PCDHGA10: variants seen among roughly 807,000 people sequenced by gnomAD.
PCDHGA10 encodes the protein protocadherin gamma subfamily A, 10.
PCDHGA10 carries 42 observed loss-of-function variants against 59.5 expected under a neutral mutation model. The observed-to-expected ratio is 0.71, with a 90% CI of 0.55 to 0.91. PCDHGA10 has a LOEUF of 0.91. Ranked by LOEUF, PCDHGA10 falls within the 40% of genes least tolerant of loss-of-function variation. The pLI is 0.00. For synonymous variants in PCDHGA10, 511 were observed against 517.2 expected (o/e 0.99, Z 0.16); for missense variants, 1,111 against 1,198.2 (o/e 0.93, Z 1.07).
chr5:141,463,886 C>T (rs1327677210), intron 1 of PCDHGA10, among the ~76,000 whole-genome samples: 3 of 152,118 alleles, frequency 2.0e-5, no homozygotes, highest in African/African-American at 4.8e-5. Flanking sequence ...AAAGTTTTCA[C>T]CTTGCTTTTT....
intron 1 of PCDHGA10, chr5:141,419,135 G>A (rs2096331504): frequency 3.1e-6 from 5 of 1,613,910 alleles, no homozygotes; most frequent in Non-Finnish European, 4.2e-6. Flanking sequence ...CGCAGCCACA[G>A]ACAGGGGCAA....
At position 141,491,828 on chromosome 5, in the gene PCDHGA10, G is replaced by C. The variant is rs1389234164; in HGVS notation, c.2437-2979G>C. ...CTTGGTCGCTGGCTGCGCTCCACCC[G>C]ATTCTCGGGATCATTGGACCGTTTG... On this transcript the variant is annotated intron_variant, in intron 1 of 3. Coordinates refer to ENST00000398610, the MANE Select transcript of PCDHGA10 (RefSeq NM_018913.3). The surrounding 1 kb of genome is among the most constrained non-coding windows in gnomAD (Gnocchi z 6.9). 4.1e-6 allele frequency: 6 copies of C among 1,475,668 alleles called. No homozygotes were observed. The highest frequency in any genetic ancestry group is 5.4e-6 in the Non-Finnish European group (6 of 1,113,522). 91.4% of individuals were successfully genotyped at this position (1,475,668 alleles called of 1,614,324 possible).
chr5:141,478,307 G>T, intron 1 of PCDHGA10: 3 of 1,614,056 alleles, frequency 1.9e-6, no homozygotes, highest in Non-Finnish European at 2.5e-6. Context: ...CCGAGCCCCG[G>T]TGAGCTCACT....
At chr5:141,451,673 G>A (rs912482749) in intron 1 of PCDHGA10, among the ~76,000 whole-genome samples, 4 of 152,164 alleles carry the variant, frequency 2.6e-5, no homozygotes, top group African/African-American at 7.2e-5. Context: ...CTTGAGCCCA[G>A]GAGTTCAAGA....
chr5:141,495,752 C>G (rs1310125902), intron 2 of PCDHGA10, among the ~76,000 whole-genome samples: 1 of 152,150 alleles, frequency 6.6e-6, no homozygotes, highest in Non-Finnish European at 1.5e-5. Flanking sequence ...TTCTCTATCT[C>G]TGCCTCCCTG....
At chr5:141,450,006 C>CTTT (rs1554136305) in intron 1 of PCDHGA10, among the ~76,000 whole-genome samples, 1 of 132,986 alleles carries the variant, frequency 7.5e-6, no homozygotes, top group Non-Finnish European at 1.6e-5. Context: ...TGCCATGTCT[C>CTTT]TTTTTTTTTT....
chr5:141,460,669 TTATATATC>T (rs1176483278), intron 1 of PCDHGA10, among the ~76,000 whole-genome samples: 1 of 152,032 alleles, frequency 6.6e-6, no homozygotes, highest in African/African-American at 2.4e-5. Flanking sequence ...GTAAACACAG[TTATATATC>T]TATATATCCA....
chr5:141,426,090 T>G (rs545457395), intron 1 of PCDHGA10, among the ~76,000 whole-genome samples: 1 of 152,246 alleles, frequency 6.6e-6, no homozygotes, highest in African/African-American at 2.4e-5. Context: ...CAGGACGATA[T>G]TCTGTTCAGT....
At chr5:141,481,913 CAAA>C (rs34114744) in intron 1 of PCDHGA10, among the ~76,000 whole-genome samples, 50 of 90,788 alleles carry the variant, frequency 5.5e-4, no homozygotes, top group African/African-American at 7.1e-4. Flanking sequence ...AACTCCATCT[CAAA>C]AAAAAAAAAA....
Position 141,476,380 on chromosome 5 carries a change from G to C in PCDHGA10, c.2437-18427G>C. 1 of 1,614,154 alleles carries C rather than the reference G, an allele frequency of 6.2e-7. No homozygotes were observed. The highest frequency in any genetic ancestry group is 8.5e-7 in the Non-Finnish European group (1 of 1,180,042). On this transcript the variant is annotated intron_variant, in intron 1 of 3. Coordinates refer to ENST00000398610, the MANE Select transcript of PCDHGA10 (RefSeq NM_018913.3). The surrounding 1 kb of genome is among the most constrained non-coding windows in gnomAD (Gnocchi z 7.6). ...ACCGGGAGACCGGAGAGATGTTTGT[G>C]AACGACCGTCTGGATCGAGAGGAGC... is the stretch of plus-strand genomic sequence containing the variant.
At chr5:141,450,364 T>G (rs2098678485) in intron 1 of PCDHGA10, among the ~76,000 whole-genome samples, 1 of 152,188 alleles carries the variant, frequency 6.6e-6, no homozygotes, top group Admixed American at 6.5e-5. Flanking sequence ...TCCTCAGCCT[T>G]GTTTGTTTAT....
At chr5:141,426,517 A>G (rs893782433) in intron 1 of PCDHGA10, 5 of 343,020 alleles carry the variant, frequency 1.5e-5, no homozygotes, top group African/African-American at 2.1e-5. Context: ...CTTTACCGTG[A>G]ACACGGAGAA....
At chr5:141,467,571 A>G (rs1228156610) in intron 1 of PCDHGA10, among the ~76,000 whole-genome samples, 1 of 152,212 alleles carries the variant, frequency 6.6e-6, no homozygotes, top group South Asian at 2.1e-4. Flanking sequence ...ATGGCTATCC[A>G]GTTGTCCCAA....
chr5:141,498,786 A>T (rs2099785591), intron 2 of PCDHGA10, among the ~76,000 whole-genome samples: 1 of 152,050 alleles, frequency 6.6e-6, no homozygotes, highest in East Asian at 1.9e-4. Context: ...ACAAAATATT[A>T]GCCAGGTGTG....
chr5:141,492,296 G>GACGC lies in PCDHGA10; in HGVS notation c.2437-2500_2437-2497dup, dbSNP rs540417011. 9.7e-4 allele frequency among the ~76,000 whole-genome samples: 148 copies of GACGC among 152,328 alleles called. 2 individuals are homozygous for GACGC. In the South Asian group the frequency reaches 0.014, roughly 14 times the overall value. ...GCCACGCCCCGCCAACACGTGCGCGGACGCACGCACGCACTCCTCGCACGT... is the reference window on the plus strand; with the variant it reads ...GCCACGCCCCGCCAACACGTGCGCGGACGCACGCACGCACGCACTCCTCGCACGT... On this transcript the variant is annotated intron_variant, in intron 1 of 3. Transcript: ENST00000398610.
chr5:141,472,795 G>A (rs939788734), intron 1 of PCDHGA10, among the ~76,000 whole-genome samples: 1 of 151,794 alleles, frequency 6.6e-6, no homozygotes, highest in Non-Finnish European at 1.5e-5. Flanking sequence ...AGATCAGCCT[G>A]ACCAACATGG....
chr5:141,413,943 T>A lies in PCDHGA10; in HGVS notation c.768T>A (p.Pro256=). 1.2e-6 allele frequency: 2 copies of A among 1,613,420 alleles called. No individual in the cohort carries two copies. Among genetic ancestry groups the A allele is most frequent in the Non-Finnish European group, 1.7e-6 (2 of 1,179,864 alleles). The part of the protein sequence containing the change: ...FTLPEYRVSV[P]ENLPVGTQLL... Reference sequence around the variant, plus strand: ...TGCCAGAATACCGAGTGAGTGTTCCTGAGAATTTGCCTGTGGGCACTCAGC... The same window carrying A: ...TGCCAGAATACCGAGTGAGTGTTCCAGAGAATTTGCCTGTGGGCACTCAGC... Residue 256 remains proline (P), a synonymous_variant, in exon 1 of 4, where the codon CCT becomes CCA. Coordinates refer to ENST00000398610, the MANE Select transcript of PCDHGA10 (RefSeq NM_018913.3).
chr5:141,501,947 T>A (rs2099811963), intron 2 of PCDHGA10, among the ~76,000 whole-genome samples: 1 of 152,152 alleles, frequency 6.6e-6, no homozygotes, highest in Non-Finnish European at 1.5e-5. Context: ...CTGCTCCCTG[T>A]GACAGGTCAT....
intron 1 of PCDHGA10, among the ~76,000 whole-genome samples, chr5:141,483,832 G>A (rs994540286): frequency 2.0e-5 from 3 of 152,134 alleles, no homozygotes; most frequent in African/African-American, 7.2e-5. Context: ...ACCTAGGTAA[G>A]GACTTGGTTG....
Sources: gnomAD v4.1 joint callset for allele counts (sites outside exome capture counted in the v4.1 genomes callset) on GRCh38, gnomAD v4.1.1 for gene constraint, Gnocchi (gnomAD v3.1) non-coding constraint, MANE v1.5 for transcripts, NCBI Gene and HGNC (gene_info 2026-07-23, HGNC 2026-07-21) for gene names.